CPNE8: variants seen among roughly 807,000 people sequenced by gnomAD.
CPNE8 encodes the protein copine 8.
In CPNE8, 45 loss-of-function variants were observed where a neutral mutation model predicts 81.5. The ratio of observed to expected loss-of-function variants is 0.55; its 90% CI spans 0.44 to 0.71. CPNE8 has a LOEUF of 0.71. Among genes scored for constraint, CPNE8 ranks in the 30% least tolerant of loss-of-function variants. The pLI is 0.00. For synonymous variants in CPNE8, 252 were observed against 226.3 expected, an observed-to-expected ratio of 1.11 and a Z score of -1.02; for missense variants, 594 against 672.1, an observed-to-expected ratio of 0.88 and a Z score of 1.28.
chr12:38,810,900 C>T (rs1212810720), intron 6 of CPNE8, among the ~76,000 whole-genome samples: 1 of 151,934 alleles, frequency 6.6e-6, no homozygotes, highest in Non-Finnish European at 1.5e-5. Flanking sequence ...AGATCAAATC[C>T]TTCTCATTCT....
intron 1 of CPNE8, among the ~76,000 whole-genome samples, chr12:38,895,623 A>G (rs553979983): frequency 1.3e-5 from 2 of 152,224 alleles, no homozygotes; most frequent in African/African-American, 2.4e-5. Flanking sequence ...GCTCTACTCA[A>G]AGCTCTCACC....
intron 5 of CPNE8, among the ~76,000 whole-genome samples, chr12:38,835,101 G>T (rs1943358733): frequency 6.6e-6 from 1 of 152,048 alleles, no homozygotes; most frequent in South Asian, 2.1e-4. Flanking sequence ...TGGCCAGGAT[G>T]GTCTCAATCT....
intron 11 of CPNE8, among the ~76,000 whole-genome samples, chr12:38,728,164 C>A (rs928536512): frequency 6.6e-6 from 1 of 152,060 alleles, no homozygotes; most frequent in African/African-American, 2.4e-5. Context: ...TCAACAACAA[C>A]AAAAATAAGA....
intron 3 of CPNE8, among the ~76,000 whole-genome samples, chr12:38,851,003 G>C (rs1024568528): frequency 7.9e-5 from 12 of 152,194 alleles, no homozygotes; most frequent in African/African-American, 2.9e-4. Context: ...TATGAAAGAG[G>C]CTTCATACAG....
chr12:38,844,919 T>C (rs1385733482), intron 4 of CPNE8, among the ~76,000 whole-genome samples: 1 of 152,184 alleles, frequency 6.6e-6, no homozygotes, highest in Non-Finnish European at 1.5e-5. Context: ...CAATTTACAC[T>C]AGTGCATCTT....
chr12:38,867,437 C>T (rs965818957), intron 3 of CPNE8, among the ~76,000 whole-genome samples: 3 of 151,496 alleles, frequency 2.0e-5, no homozygotes, highest in African/African-American at 4.9e-5. Context: ...GTTAAAATAG[C>T]TCAGTGTCAA....
chr12:38,726,777 T>C (rs1940709384), intron 11 of CPNE8, among the ~76,000 whole-genome samples: 1 of 152,192 alleles, frequency 6.6e-6, no homozygotes, highest in South Asian at 2.1e-4. Flanking sequence ...GAGTAACTTT[T>C]TAGTAGAATT....
chr12:38,670,653 T>G (rs1939153820), intron 19 of CPNE8, 76 bp downstream of exon 19: 3 of 976,394 alleles, frequency 3.1e-6, no homozygotes, highest in Non-Finnish European at 4.7e-6. Context: ...CTGTTATATT[T>G]CTAGCTTCTA....
chr12:38,689,688 T>C (rs1159289859), intron 15 of CPNE8, among the ~76,000 whole-genome samples: 3 of 152,222 alleles, frequency 2.0e-5, no homozygotes, highest in Admixed American at 2.0e-4. Context: ...GTGAAAAGCA[T>C]GCAAGTGCAT....
chr12:38,879,110 T>C (rs974455876), intron 1 of CPNE8, among the ~76,000 whole-genome samples: 1 of 152,176 alleles, frequency 6.6e-6, no homozygotes, highest in African/African-American at 2.4e-5. Context: ...AAGTACCTTA[T>C]TGAGAGAGTC....
intron 6 of CPNE8, among the ~76,000 whole-genome samples, chr12:38,822,608 G>A (rs1943124764): frequency 2.0e-5 from 3 of 152,140 alleles, no homozygotes; most frequent in Non-Finnish European, 4.4e-5. Context: ...AGGAAGCTGG[G>A]TCTCAGGAAT....
upstream of CPNE8, chr12:38,906,598 G>A (rs570441765): frequency 3.3e-5 from 33 of 985,536 alleles, no homozygotes; most frequent in African/African-American, 5.4e-4. Context: ...ACGGATAAAA[G>A]CAGAGAGGAG....
At chr12:38,760,435 G>GTGTATATATA (rs1555154496) in intron 10 of CPNE8, among the ~76,000 whole-genome samples, 13 of 127,276 alleles carry the variant, frequency 1.0e-4, no homozygotes, top group South Asian at 2.4e-4. Context: ...TGTATGGTGT[G>GTGTATATATA]TATATATATA....
intron 6 of CPNE8, among the ~76,000 whole-genome samples, chr12:38,812,725 T>C (rs1392526756): frequency 6.6e-6 from 1 of 152,190 alleles, no homozygotes; most frequent in African/African-American, 2.4e-5. Context: ...TTAACGCCAC[T>C]ATTAAAAAGC....
intron 1 of CPNE8, 58 bp from the exon 2 acceptor site, chr12:38,874,569 A>C: frequency 9.2e-7 from 1 of 1,082,084 alleles, no homozygotes; most frequent in Non-Finnish European, 1.4e-6. Flanking sequence ...TTATATTTAT[A>C]TAGACATATT....
At chr12:38,809,550 A>T (rs1035458519) in intron 6 of CPNE8, among the ~76,000 whole-genome samples, 1 of 152,184 alleles carries the variant, frequency 6.6e-6, no homozygotes, top group Non-Finnish European at 1.5e-5. Context: ...ACATAACTAT[A>T]GTTGTGACAT....
At chr12:38,786,103 A>G (rs1942179948) in intron 6 of CPNE8, among the ~76,000 whole-genome samples, 1 of 152,204 alleles carries the variant, frequency 6.6e-6, no homozygotes, top group Non-Finnish European at 1.5e-5. Flanking sequence ...CCTCCAATCA[A>G]AAGACACAGA....
chr12:38,885,157 T>C (rs575098393), intron 1 of CPNE8, among the ~76,000 whole-genome samples: 3 of 152,300 alleles, frequency 2.0e-5, no homozygotes, highest in African/African-American at 4.8e-5. Flanking sequence ...ATAATGAATG[T>C]ATTTTAAACT....
At chr12:38,792,784 A>G (rs2136932820) in intron 6 of CPNE8, among the ~76,000 whole-genome samples, 1 of 152,018 alleles carries the variant, frequency 6.6e-6, no homozygotes, top group East Asian at 1.9e-4. Context: ...TACAAAGAAG[A>G]GAACGTTATA....
Sources: gnomAD v4.1 joint callset for allele counts (sites outside exome capture counted in the v4.1 genomes callset) on GRCh38, gnomAD v4.1.1 for gene constraint, MANE v1.5 for transcripts, NCBI Gene and HGNC (gene_info 2026-07-23, HGNC 2026-07-21) for gene names.